CARM1: variants seen among roughly 807,000 people sequenced by gnomAD.
CARM1 encodes histone-arginine methyltransferase CARM1.
CARM1 carries 14 observed loss-of-function variants against 72.7 expected under a neutral mutation model. That is an observed-to-expected ratio of 0.19 (90% confidence interval 0.13 to 0.30). The LOEUF (loss-of-function observed/expected upper bound fraction) is 0.30, where lower values mean the gene tolerates loss of function less well. Ranked by LOEUF, CARM1 falls within the 10% of genes least tolerant of loss-of-function variation. The pLI is 1.00. For missense variants in CARM1, 432 were observed against 833.7 expected (o/e 0.52, Z 5.93); for synonymous variants, 333 against 345.5 (o/e 0.96, Z 0.40).
rs571581725 is a variant in CARM1 at position 10,888,027 on chromosome 19, G to C, written c.220+16105G>C. Among the ~76,000 whole-genome samples, 20 of 152,308 alleles carry C rather than the reference G, an allele frequency of 1.3e-4. No individual in the cohort carries two copies. The East Asian group carries it at 2.5e-3, about 19-fold the overall frequency. On this transcript the variant is annotated intron_variant, in intron 1 of 15. Transcript: ENST00000327064. ...GAGATGATCCCCCTCAGCAGCCTGG[G>C]GTCTTCTTGCCGCTCCATGACACGC...
Position 10,909,056 on chromosome 19 carries a change from C to T in CARM1, c.454-47C>T, listed in dbSNP as rs745322281. The T allele has an allele frequency of 4.8e-6, 7 of 1,455,574 alleles. No homozygotes were observed. In the African/African-American group the frequency reaches 7.0e-5, roughly 15 times the overall value. The allele number at this position is 1,455,574 out of a possible 1,614,324, so 90.2% of individuals were successfully genotyped here. A position where few individuals can be genotyped will look rare whatever the true frequency, so the allele number is the denominator to read the frequency against. On this transcript the variant is annotated intron_variant, in intron 3 of 15. Transcript: ENST00000327064. ...ACAGGGCTGGCCAGGGCCTTGGCTGCCTCGTGCCACCATGTGCCCCGTGCC... is the reference window on the plus strand; with the variant it reads ...ACAGGGCTGGCCAGGGCCTTGGCTGTCTCGTGCCACCATGTGCCCCGTGCC...
At position 10,886,401 on chromosome 19, in the gene CARM1, G is replaced by C. The variant is rs573472889; in HGVS notation, c.220+14479G>C. Among the ~76,000 whole-genome samples, 31 of 152,150 alleles carry C rather than the reference G, an allele frequency of 2.0e-4. No individual in the cohort carries two copies. The East Asian group carries it at 5.5e-3, about 27-fold the overall frequency. On this transcript the variant is annotated intron_variant, in intron 1 of 15. Transcript: ENST00000327064. ...GTAGAGACGGGGTCTCAACCATGTT[G>C]CCTAGGATGCTCTCCAACTCCTGGG...
rs577666458 is a variant in CARM1 at position 10,895,455 on chromosome 19, C to T, written c.221-9496C>T. On this transcript the variant is annotated intron_variant, in intron 1 of 15. Transcript: ENST00000327064. ...CCAGGTCCCCCTGACCCAGGTCTAACGAGCCTCAAGGGCCCAAAGACCCCC... is the reference window on the plus strand; with the variant it reads ...CCAGGTCCCCCTGACCCAGGTCTAATGAGCCTCAAGGGCCCAAAGACCCCC... Among the ~76,000 whole-genome samples the T allele has an allele frequency of 3.2e-3, 492 of 152,336 alleles. 3 individuals carry two copies. The highest frequency in any genetic ancestry group is 3.9e-3 in the Non-Finnish European group (264 of 68,028).
chr19:10,912,404 G>A lies in CARM1; in HGVS notation c.669+110G>A, dbSNP rs1214277923. 2 of 761,948 alleles carry A rather than the reference G, an allele frequency of 2.6e-6. No individual in the cohort carries two copies. Among genetic ancestry groups the A allele is most frequent in the Admixed American group, 4.0e-5 (2 of 49,596 alleles). 47.2% of individuals were successfully genotyped at this position (761,948 alleles called of 1,614,324 possible). On this transcript the variant is annotated intron_variant, in intron 5 of 15. Transcript: ENST00000327064. The surrounding 1 kb of genome is among the most constrained non-coding windows in gnomAD (Gnocchi z 4.5). Reference sequence around the variant, plus strand: ...CCAGGGGCCTGGGGACATTACTTCTGTGCTTTGGTCTCTTTATTGTCCCCA... The same window carrying A: ...CCAGGGGCCTGGGGACATTACTTCTATGCTTTGGTCTCTTTATTGTCCCCA...
chr19:10,890,562 C>T (rs1490615056), intron 1 of CARM1, among the ~76,000 whole-genome samples: 5 of 151,114 alleles, frequency 3.3e-5, no homozygotes, highest in Non-Finnish European at 7.4e-5. Context: ...GCCACCCCAC[C>T]GCGCCTAGCC....
chr19:10,875,932 T>C (rs1340263462), intron 1 of CARM1, among the ~76,000 whole-genome samples: 1 of 151,106 alleles, frequency 6.6e-6, no homozygotes, highest in Admixed American at 6.6e-5. Context: ...AATGGCGTGA[T>C]CTCGGCTCAC....
rs1452087918 is a variant in CARM1 at position 10,915,514 on chromosome 19, G to C, written c.848-893G>C. On this transcript the variant is annotated intron_variant, in intron 6 of 15. Transcript: ENST00000327064. This position sits in a 1 kb window ranked among gnomAD's most constrained non-coding sequence, Gnocchi z 4.6. Reference sequence around the variant, plus strand: ...TGTCTTCTGGTCAGCAGGAGCCAGAGGTTCCTTCCAGGCTGGGTCACTTCC... The same window carrying C: ...TGTCTTCTGGTCAGCAGGAGCCAGACGTTCCTTCCAGGCTGGGTCACTTCC... Among the ~76,000 whole-genome samples the C allele has an allele frequency of 6.6e-6, 1 of 152,118 alleles. No homozygotes were observed. Among genetic ancestry groups the C allele is most frequent in the African/African-American group, 2.4e-5 (1 of 41,434 alleles).
At chr19:10,907,203 G>A (rs907253030) in intron 2 of CARM1, among the ~76,000 whole-genome samples, 7 of 151,396 alleles carry the variant, frequency 4.6e-5, no homozygotes, top group African/African-American at 9.7e-5. Context: ...CACCGTGCCC[G>A]GCTTATTATT....
intron 1 of CARM1, among the ~76,000 whole-genome samples, chr19:10,895,607 G>A (rs560464502): frequency 1.3e-4 from 20 of 152,194 alleles, no homozygotes; most frequent in Non-Finnish European, 2.8e-4. Flanking sequence ...AAGGCCATGC[G>A]CACAGTGAGG....
Position 10,921,455 on chromosome 19 carries a change from G to A in CARM1, c.1684+12G>A, listed in dbSNP as rs750480520. The stretch of plus-strand genomic sequence containing the variant: ...GGGGATTGTCCAAGGTAACGAGGGT[G>A]GCGGGGGCAGGGCCCGTGGGGGCCG... On this transcript the variant is annotated intron_variant, in intron 15 of 15. Coordinates refer to ENST00000327064, the MANE Select transcript of CARM1 (RefSeq NM_199141.2). 5 of 1,597,824 alleles carry A rather than the reference G, an allele frequency of 3.1e-6. No individual in the cohort carries two copies. The highest frequency in any genetic ancestry group is 2.2e-5 in the East Asian group (1 of 44,628).
intron 2 of CARM1, among the ~76,000 whole-genome samples, chr19:10,907,277 C>CCA (rs1452393197): frequency 6.6e-6 from 1 of 151,866 alleles, no homozygotes; most frequent in African/African-American, 2.4e-5. Context: ...CTCAAGCAGT[C>CCA]CACCCGCCTC....
intron 1 of CARM1, among the ~76,000 whole-genome samples, chr19:10,873,086 A>C (rs191357062): frequency 6.6e-6 from 1 of 152,038 alleles, no homozygotes; most frequent in Admixed American, 6.6e-5. Flanking sequence ...ACCAGATGAG[A>C]GGGGAAGGAG....
intron 1 of CARM1, among the ~76,000 whole-genome samples, chr19:10,880,513 ATTTTTT>A (rs34015668): frequency 7.3e-6 from 1 of 136,270 alleles, no homozygotes; most frequent in African/African-American, 2.7e-5. Context: ...TGCCTGGCTA[ATTTTTT>A]TTTTTTTTTT....
In CARM1 at chr19:10,873,265, G is replaced by A. The variant is rs1430674442; in HGVS notation, c.220+1343G>A. 2.6e-5 allele frequency among the ~76,000 whole-genome samples: 4 copies of A among 152,116 alleles called. 1 individual carries two copies. The South Asian group carries it at 8.3e-4, about 31-fold the overall frequency. Reference sequence around the variant, plus strand: ...TAGGGTCCCAGGGCTTATCCTCAAAGGAGTTCCAGGAGAGTTGGCTATCAT... The same window carrying A: ...TAGGGTCCCAGGGCTTATCCTCAAAAGAGTTCCAGGAGAGTTGGCTATCAT... On this transcript the variant is annotated intron_variant, in intron 1 of 15. Coordinates refer to ENST00000327064, the MANE Select transcript of CARM1 (RefSeq NM_199141.2).
chr19:10,912,337 T>A lies in CARM1; in HGVS notation c.669+43T>A. 7.0e-7 allele frequency: 1 copy of A among 1,419,988 alleles called. No individual in the cohort carries two copies. Among genetic ancestry groups the A allele is most frequent in the Non-Finnish European group, 9.9e-7 (1 of 1,009,756 alleles). The allele number at this position is 1,419,988 out of a possible 1,614,324, so 88.0% of individuals were successfully genotyped here. ...GCCCACCCAGCCTCGTCCTCGCCCA[T>A]GAGTGCCATGCCGGCCCCAGCCTAG... is the stretch of plus-strand genomic sequence containing the variant. On this transcript the variant is annotated intron_variant, in intron 5 of 15. Transcript: ENST00000327064. The surrounding 1 kb of genome is among the most constrained non-coding windows in gnomAD (Gnocchi z 4.5).
chr19:10,913,424 G>A (rs922016785), intron 5 of CARM1, among the ~76,000 whole-genome samples: 6 of 151,898 alleles, frequency 4.0e-5, no homozygotes, highest in African/African-American at 1.5e-4. Context: ...TGTAGTCCCA[G>A]CTACTCGGGA....
Position 10,916,641 on chromosome 19 carries a change from C to G in CARM1, c.939-55C>G. The G allele has an allele frequency of 6.8e-7, 1 of 1,462,352 alleles. No homozygotes were observed. Among genetic ancestry groups the G allele is most frequent in the Non-Finnish European group, 9.4e-7 (1 of 1,064,814 alleles). 90.6% of individuals were successfully genotyped at this position (1,462,352 alleles called of 1,614,324 possible). A position where few individuals can be genotyped will look rare whatever the true frequency, so the allele number is the denominator to read the frequency against. ...GACTGGGAGAGAAGGCAGGGCTACCCCACCTGCCTCTTCTGCAGCCCTGAC... is the reference window on the plus strand; with the variant it reads ...GACTGGGAGAGAAGGCAGGGCTACCGCACCTGCCTCTTCTGCAGCCCTGAC... On this transcript the variant is annotated intron_variant, in intron 7 of 15. Transcript: ENST00000327064. This position sits in a 1 kb window ranked among gnomAD's most constrained non-coding sequence, Gnocchi z 4.4.
chr19:10,914,108 G>T (rs538324731), intron 6 of CARM1, 54 bp downstream of exon 6: 7 of 1,500,712 alleles, frequency 4.7e-6, no homozygotes, highest in African/African-American at 4.2e-5. Flanking sequence ...CCTGGCTGCC[G>T]CTGAGCCAGG....
At chr19:10,877,810 C>G (rs1417290919) in intron 1 of CARM1, among the ~76,000 whole-genome samples, 1 of 152,218 alleles carries the variant, frequency 6.6e-6, no homozygotes, top group African/African-American at 2.4e-5. Flanking sequence ...TCACTGCAAC[C>G]TCTGCCTCCC....
Sources: gnomAD v4.1 joint callset for allele counts (sites outside exome capture counted in the v4.1 genomes callset) on GRCh38, gnomAD v4.1.1 for gene constraint, Gnocchi (gnomAD v3.1) non-coding constraint, MANE v1.5 for transcripts, NCBI Gene and HGNC (gene_info 2026-07-23, HGNC 2026-07-21) for gene names.